SAMMSON: variants seen among roughly 807,000 people sequenced by gnomAD.
SAMMSON encodes the protein long intergenic non-protein coding RNA 1212.
At chr3:70,093,702 A>G (rs914626962) in intron 4 of SAMMSON, among the ~76,000 whole-genome samples, 4 of 152,118 alleles carry the variant, frequency 2.6e-5, no homozygotes, top group East Asian at 1.9e-4. Context: ...GTGAAATTCC[A>G]TGTATCCCAT....
intron 4 of SAMMSON, among the ~76,000 whole-genome samples, chr3:70,158,670 T>C (rs965098194): frequency 6.6e-6 from 1 of 151,980 alleles, no homozygotes; most frequent in Non-Finnish European, 1.5e-5. Flanking sequence ...GCCAAGAGTA[T>C]AGAATCAAGA....
At chr3:70,034,786 G>A (rs1344137715) in intron 3 of SAMMSON, among the ~76,000 whole-genome samples, 12 of 152,302 alleles carry the variant, frequency 7.9e-5, no homozygotes, top group African/African-American at 2.2e-4. Flanking sequence ...GGAGGTTGCA[G>A]TGAGCCAAGA....
chr3:70,109,120 C>G (rs779954052), intron 4 of SAMMSON, among the ~76,000 whole-genome samples: 26 of 152,126 alleles, frequency 1.7e-4, no homozygotes, highest in South Asian at 6.2e-4. Flanking sequence ...CAGCTCTAAA[C>G]TGAATCCTCT....
At chr3:70,412,851 C>G (rs926932177) in intron 2 of SAMMSON, among the ~76,000 whole-genome samples, 1 of 152,094 alleles carries the variant, frequency 6.6e-6, no homozygotes, top group Non-Finnish European at 1.5e-5. Flanking sequence ...TCAAGTCTGT[C>G]AGCGATTACA....
chr3:70,218,340 G>A (rs1701433772), intron 4 of SAMMSON, among the ~76,000 whole-genome samples: 1 of 152,124 alleles, frequency 6.6e-6, no homozygotes. Context: ...GATGTATATA[G>A]ATGCATATAG....
intron 7 of SAMMSON, chr3:70,291,965 T>C (rs1233761636): frequency 1.3e-5 from 2 of 152,242 alleles, no homozygotes; most frequent in Non-Finnish European, 2.9e-5. Context: ...TTTCTCAGAT[T>C]CATCCATTCA....
At chr3:70,218,327 A>G (rs1353130583) in intron 4 of SAMMSON, among the ~76,000 whole-genome samples, 2 of 152,160 alleles carry the variant, frequency 1.3e-5, no homozygotes, top group East Asian at 3.9e-4. Context: ...GCATGTGCAC[A>G]TGGATGTATA....
chr3:70,215,748 CA>C (rs1352719065), intron 4 of SAMMSON, among the ~76,000 whole-genome samples: 3 of 152,096 alleles, frequency 2.0e-5, no homozygotes, highest in African/African-American at 7.2e-5. Context: ...CAGAACCTAG[CA>C]TGGTGTCTGG....
intron 2 of SAMMSON, among the ~76,000 whole-genome samples, chr3:70,406,439 A>T (rs1701178975): frequency 1.3e-5 from 2 of 152,194 alleles, no homozygotes; most frequent in African/African-American, 4.8e-5. Context: ...CAGACATGGT[A>T]ATATATGGAA....
At chr3:70,268,256 A>G (rs1179407188) in intron 6 of SAMMSON, among the ~76,000 whole-genome samples, 1 of 152,120 alleles carries the variant, frequency 6.6e-6, no homozygotes, top group African/African-American at 2.4e-5. Context: ...AGATTGCCTG[A>G]GCGCAGAAGT....
intron 9 of SAMMSON, chr3:70,389,494 T>A (rs1278219276): frequency 6.6e-6 from 1 of 152,140 alleles, no homozygotes; most frequent in Non-Finnish European, 1.5e-5. Flanking sequence ...ATCTGTTTAA[T>A]ATCCATTTAT....
intron 4 of SAMMSON, among the ~76,000 whole-genome samples, chr3:70,181,540 C>G (rs1192257248): frequency 6.6e-6 from 1 of 152,162 alleles, no homozygotes; most frequent in Non-Finnish European, 1.5e-5. Flanking sequence ...GTTTCCTTAT[C>G]TGCAAATTGG....
chr3:70,239,023 A>C (rs1462800138), intron 4 of SAMMSON, among the ~76,000 whole-genome samples: 1 of 152,212 alleles, frequency 6.6e-6, no homozygotes, highest in Non-Finnish European at 1.5e-5. Context: ...AAGGTATGCC[A>C]AAAATGATCT....
At chr3:70,186,103 A>G (rs1490508462) in intron 4 of SAMMSON, among the ~76,000 whole-genome samples, 1 of 152,156 alleles carries the variant, frequency 6.6e-6, no homozygotes, top group African/African-American at 2.4e-5. Flanking sequence ...CAAACACAGA[A>G]AGAGATCCTT....
intron 7 of SAMMSON, among the ~76,000 whole-genome samples, chr3:70,325,325 G>C (rs1702570654): frequency 6.6e-6 from 1 of 152,222 alleles, no homozygotes; most frequent in South Asian, 2.1e-4. Context: ...TACACTGTAA[G>C]TATGTACGTG....
At chr3:70,080,026 A>G (rs1477143746) in intron 4 of SAMMSON, among the ~76,000 whole-genome samples, 1 of 152,220 alleles carries the variant, frequency 6.6e-6, no homozygotes, top group Non-Finnish European at 1.5e-5. Flanking sequence ...GGTTTAGACC[A>G]TGGCTAGACT....
At chr3:70,268,718 C>G (rs534412648) in intron 6 of SAMMSON, among the ~76,000 whole-genome samples, 1 of 152,206 alleles carries the variant, frequency 6.6e-6, no homozygotes, top group Non-Finnish European at 1.5e-5. Context: ...TTTTTAAAAT[C>G]TATTGATTTT....
chr3:70,285,546 G>C (rs1702152389), intron 6 of SAMMSON, among the ~76,000 whole-genome samples: 1 of 151,938 alleles, frequency 6.6e-6, no homozygotes, highest in African/African-American at 2.4e-5. Context: ...ATAGCAGCAT[G>C]ATTTATAGTC....
At chr3:70,312,755 T>A (rs919868060) in intron 7 of SAMMSON, 1 of 151,750 alleles carries the variant, frequency 6.6e-6, no homozygotes, top group African/African-American at 2.4e-5. Context: ...GTTTTTTTTT[T>A]AAGGTAATAT....
Sources: gnomAD v4.1 joint callset for allele counts (sites outside exome capture counted in the v4.1 genomes callset) on GRCh38, gnomAD v4.1.1 for gene constraint, MANE v1.5 for transcripts, NCBI Gene and HGNC (gene_info 2026-07-23, HGNC 2026-07-21) for gene names.